FBXO11: variants seen among roughly 807,000 people sequenced by gnomAD.
FBXO11 encodes the protein F-box only protein 11.
Under a neutral mutation model 117.0 loss-of-function variants are expected in FBXO11, and 13 were observed. That is an observed-to-expected ratio of 0.11 (90% CI 0.07 to 0.18). The LOEUF is 0.18. FBXO11 is among the 10% of genes least tolerant of loss of function. FBXO11 has a pLI of 1.00. For missense variants in FBXO11, 767 were observed against 1,164.4 expected (o/e 0.66, Z 4.97); for synonymous variants, 490 against 380.5 (o/e 1.29, Z -3.35).
At chr2:47,809,017 G>A (rs918478047) in intron 21 of FBXO11, 141 bp downstream of exon 21, 8 of 571,954 alleles carry the variant, frequency 1.4e-5, no homozygotes, top group African/African-American at 5.8e-5. Flanking sequence ...TCTTAAACAC[G>A]ATCTTCAAGT....
At chr2:47,883,257 A>T (rs1676568663) in intron 1 of FBXO11, among the ~76,000 whole-genome samples, 1 of 152,190 alleles carries the variant, frequency 6.6e-6, no homozygotes, top group Non-Finnish European at 1.5e-5. Flanking sequence ...CTATTTACAT[A>T]GATTCCTGGG....
intron 1 of FBXO11, among the ~76,000 whole-genome samples, chr2:47,866,245 CAAA>C (rs57654823): frequency 3.4e-5 from 2 of 58,434 alleles, no homozygotes; most frequent in African/African-American, 6.0e-5. Flanking sequence ...CCTTCTGCTT[CAAA>C]AAAAAAAAAA....
intron 1 of FBXO11, chr2:47,888,843 T>A (rs1440718073): frequency 6.3e-6 from 1 of 158,142 alleles, no homozygotes; most frequent in Non-Finnish European, 1.4e-5. Flanking sequence ...CTCATTTTTT[T>A]TCTGTCCACA....
chr2:47,809,930 CTTAAAGT>C (rs1670499432), intron 19 of FBXO11: 2 of 526,216 alleles, frequency 3.8e-6, no homozygotes, highest in South Asian at 5.6e-5. Flanking sequence ...ACCTAACTGT[CTTAAAGT>C]TTAAATACAT....
intron 1 of FBXO11, among the ~76,000 whole-genome samples, chr2:47,853,274 G>A (rs534696206): frequency 2.4e-4 from 36 of 152,078 alleles, no homozygotes; most frequent in African/African-American, 7.0e-4. Flanking sequence ...GCTTCACCAC[G>A]TTGGCCAGGC....
In FBXO11 at chr2:47,813,776, A is replaced by G. The variant is rs1168870250; in HGVS notation, c.2083+15T>C. The G allele has an allele frequency of 1.3e-6, 2 of 1,595,368 alleles. No individual in the cohort carries two copies. The highest frequency in any genetic ancestry group is 2.7e-5 in the African/African-American group (2 of 74,434). On this transcript the variant is annotated intron_variant, in intron 17 of 22. Transcript: ENST00000403359. The stretch of plus-strand genomic sequence containing the variant: ...AGTTTATTAACACAGAAAAAAGATG[A>G]CAGATTAAACATACCAGAATTATAA...
At chr2:47,867,333 T>C (rs1488173012) in intron 1 of FBXO11, among the ~76,000 whole-genome samples, 1 of 152,180 alleles carries the variant, frequency 6.6e-6, no homozygotes, top group Non-Finnish European at 1.5e-5. Flanking sequence ...AGCTATTCTT[T>C]TGAAACACTG....
At chr2:47,809,989 T>C (rs1220791343) in intron 19 of FBXO11, 1 of 491,012 alleles carries the variant, frequency 2.0e-6, no homozygotes, top group Admixed American at 3.8e-5. Flanking sequence ...CATCTCTTTT[T>C]CTGTTGCAGA....
At chr2:47,816,713 A>G (rs2134054) in intron 16 of FBXO11, among the ~76,000 whole-genome samples, 1 of 152,202 alleles carries the variant, frequency 6.6e-6, no homozygotes, top group South Asian at 2.1e-4. Context: ...CATCTGCATC[A>G]GAATTCTTGG....
intron 1 of FBXO11, among the ~76,000 whole-genome samples, chr2:47,868,578 C>T (rs1675373215): frequency 6.6e-6 from 1 of 152,160 alleles, no homozygotes; most frequent in South Asian, 2.1e-4. Flanking sequence ...ACTTTAATCG[C>T]CCACATTCCA....
chr2:47,824,866 C>G (rs1178865393), intron 11 of FBXO11, among the ~76,000 whole-genome samples: 1 of 152,138 alleles, frequency 6.6e-6, no homozygotes, highest in African/African-American at 2.4e-5. Context: ...TAAATGCAGA[C>G]TGAATATTAA....
chr2:47,887,842 C>A (rs1203403518), intron 1 of FBXO11, among the ~76,000 whole-genome samples: 1 of 152,114 alleles, frequency 6.6e-6, no homozygotes, highest in Non-Finnish European at 1.5e-5. Flanking sequence ...GCCTGAATGA[C>A]TGAGATTCTG....
intron 1 of FBXO11, among the ~76,000 whole-genome samples, chr2:47,872,503 T>C (rs1373480944): frequency 6.6e-6 from 1 of 152,170 alleles, no homozygotes; most frequent in African/African-American, 2.4e-5. Flanking sequence ...TTTGTATTTT[T>C]AGGAGAGACG....
At position 47,808,073 on chromosome 2, in the gene FBXO11, A is replaced by T. The variant is rs1163777226; in HGVS notation, c.*45T>A. On this transcript the variant is annotated 3_prime_UTR_variant, in exon 23 of 23. Coordinates refer to ENST00000403359, the MANE Select transcript of FBXO11 (RefSeq NM_001190274.2). The stretch of plus-strand genomic sequence containing the variant: ...AATCTTCTTCCAAAAAAGTGTTTTA[A>T]GTTATGATGTTACAATGGCAGGACT... 2.6e-6 allele frequency: 4 copies of T among 1,525,008 alleles called. No homozygotes were observed. In the East Asian group the frequency reaches 9.0e-5, roughly 34 times the overall value. The allele number at this position is 1,525,008 out of a possible 1,614,324, so 94.5% of individuals were successfully genotyped here.
At chr2:47,833,499 A>G (rs912932103) in intron 7 of FBXO11, among the ~76,000 whole-genome samples, 1 of 152,214 alleles carries the variant, frequency 6.6e-6, no homozygotes, top group Non-Finnish European at 1.5e-5. Context: ...CCCCATCTTC[A>G]TGAGGAGATA....
chr2:47,888,236 T>G (rs1399875528), intron 1 of FBXO11, among the ~76,000 whole-genome samples: 1 of 152,108 alleles, frequency 6.6e-6, no homozygotes, highest in Non-Finnish European at 1.5e-5. Flanking sequence ...ACTAGAATGA[T>G]GATACAATTT....
rs549673721 is a variant in FBXO11 at position 47,829,694 on chromosome 2, T to C, written c.1398+2655A>G. On this transcript the variant is annotated intron_variant, in intron 11 of 22. Coordinates refer to ENST00000403359, the MANE Select transcript of FBXO11 (RefSeq NM_001190274.2). ...TAATTATTGAGGAGTGGATTAGCAC[T>C]GTGGTTATGTGAAAGAAAAAAAAAA... Among the ~76,000 whole-genome samples, 25 of 152,112 alleles carry C rather than the reference T, an allele frequency of 1.6e-4. No individual in the cohort carries two copies. In the South Asian group the frequency reaches 5.0e-3, roughly 30 times the overall value.
intron 1 of FBXO11, among the ~76,000 whole-genome samples, chr2:47,865,573 C>T (rs1558455469): frequency 6.6e-6 from 1 of 152,196 alleles, no homozygotes; most frequent in Non-Finnish European, 1.5e-5. Context: ...TGTAGACTTT[C>T]ATCACAACAG....
At chr2:47,890,102 C>T (rs1677151005) in intron 1 of FBXO11, among the ~76,000 whole-genome samples, 1 of 152,104 alleles carries the variant, frequency 6.6e-6, no homozygotes, top group Non-Finnish European at 1.5e-5. Flanking sequence ...AGGTACATGC[C>T]ACCAGGCCTG....
Sources: gnomAD v4.1 joint callset for allele counts (sites outside exome capture counted in the v4.1 genomes callset) on GRCh38, gnomAD v4.1.1 for gene constraint, MANE v1.5 for transcripts, NCBI Gene and HGNC (gene_info 2026-07-23, HGNC 2026-07-21) for gene names.